CSMD2: variants seen among roughly 807,000 people sequenced by gnomAD.
The protein encoded by CSMD2 is CUB and sushi domain-containing protein 2.
In CSMD2, 130 loss-of-function variants were observed where a neutral mutation model predicts 398.5. The observed-to-expected ratio is 0.33, with a 90% CI of 0.28 to 0.38. CSMD2 has a LOEUF of 0.38. CSMD2 is among the 10% of genes least tolerant of loss of function. The pLI is 1.00. For missense variants in CSMD2, 3,829 were observed against 4,764.9 expected (o/e 0.80, Z 5.78); for synonymous variants, 1,828 against 1,908.5 (o/e 0.96, Z 1.10).
At chr1:33,621,112 T>C (rs1030899414) in intron 37 of CSMD2, among the ~76,000 whole-genome samples, 3 of 152,228 alleles carry the variant, frequency 2.0e-5, no homozygotes, top group African/African-American at 7.2e-5. Context: ...TGGCTAGCTT[T>C]AGCTCCTTTC....
intron 19 of CSMD2, among the ~76,000 whole-genome samples, chr1:33,718,147 C>G (rs1215988291): frequency 6.6e-6 from 1 of 152,160 alleles, no homozygotes; most frequent in Non-Finnish European, 1.5e-5. Flanking sequence ...GAGCTAGGAT[C>G]TGAACTAAGG....
At chr1:33,707,731 A>G (rs1488766824) in intron 22 of CSMD2, among the ~76,000 whole-genome samples, 2 of 148,440 alleles carry the variant, frequency 1.3e-5, no homozygotes, top group African/African-American at 5.2e-5. Context: ...ACACACACAC[A>G]CACACACACA....
intron 25 of CSMD2, among the ~76,000 whole-genome samples, chr1:33,678,022 T>C (rs1411809438): frequency 2.0e-5 from 3 of 149,896 alleles, no homozygotes; most frequent in African/African-American, 7.4e-5. Context: ...GATGAGTTAA[T>C]GCGTGCAGCA....
At chr1:33,621,381 C>T (rs1030556150) in intron 37 of CSMD2, among the ~76,000 whole-genome samples, 1 of 152,202 alleles carries the variant, frequency 6.6e-6, no homozygotes, top group East Asian at 1.9e-4. Context: ...CTAGAGCCAT[C>T]CATGAGAGCA....
chr1:34,138,102 T>G (rs1164308634), intron 1 of CSMD2, among the ~76,000 whole-genome samples: 2 of 152,244 alleles, frequency 1.3e-5, no homozygotes, highest in Admixed American at 6.5e-5. Flanking sequence ...TAGTATTTAC[T>G]AAGTGGTAAG....
rs1571019565 is a variant in CSMD2 at position 33,633,403 on chromosome 1, C to G, written c.5200+19G>C. 1.3e-5 allele frequency: 20 copies of G among 1,537,306 alleles called. No individual in the cohort carries two copies. Among genetic ancestry groups the G allele is most frequent in the South Asian group, 2.4e-5 (2 of 83,734 alleles). On this transcript the variant is annotated intron_variant, in intron 32 of 70. Coordinates refer to ENST00000373381, the MANE Select transcript of CSMD2 (RefSeq NM_001281956.2). This position sits in a 1 kb window ranked among gnomAD's most constrained non-coding sequence, Gnocchi z 5.0. ...CCCCCGGCCCACAACCATCCCCACA[C>G]TGGCCGAGCCCCGGATACCTGTATG...
At position 33,957,958 on chromosome 1, in the gene CSMD2, C is replaced by A. The variant is rs996563255; in HGVS notation, c.518-22004G>T. On this transcript the variant is annotated intron_variant, in intron 3 of 70. Transcript: ENST00000373381. ...GTGTGTGTGTGTGTGTGTGTGTGTGCACGCACGCATGTGTGTGTGTTGGTG... is the reference window on the plus strand; with the variant it reads ...GTGTGTGTGTGTGTGTGTGTGTGTGAACGCACGCATGTGTGTGTGTTGGTG... Among the ~76,000 whole-genome samples, 6 of 150,770 alleles carry A rather than the reference C, an allele frequency of 4.0e-5. No individual in the cohort carries two copies. In the East Asian group the frequency reaches 1.2e-3, roughly 29 times the overall value.
intron 46 of CSMD2, 25 bp downstream of exon 46, chr1:33,586,479 T>G (rs770757686): frequency 6.7e-7 from 1 of 1,494,030 alleles, no homozygotes; most frequent in Non-Finnish European, 9.3e-7. Flanking sequence ...CTAGGCCCCA[T>G]ACAGATGCGG....
Position 33,700,373 on chromosome 1 carries a change from G to A in CSMD2, c.3733+144C>T, listed in dbSNP as rs1645571010. 5.1e-6 allele frequency: 4 copies of A among 778,778 alleles called. No individual in the cohort carries two copies. The South Asian group carries it at 7.2e-5, about 14-fold the overall frequency. 48.2% of individuals were successfully genotyped at this position (778,778 alleles called of 1,614,324 possible). The stretch of plus-strand genomic sequence containing the variant: ...AACATATCACATTTTGTTTACCCAT[G>A]CATCCACTGATGGATACATATTGGA... On this transcript the variant is annotated intron_variant, in intron 23 of 70. Coordinates refer to ENST00000373381, the MANE Select transcript of CSMD2 (RefSeq NM_001281956.2).
At chr1:34,076,924 AAAAAATATAT>A (rs1167336943) in intron 2 of CSMD2, among the ~76,000 whole-genome samples, 2 of 105,116 alleles carry the variant, frequency 1.9e-5, no homozygotes, top group Admixed American at 9.4e-5. Context: ...AAAAAAAAAA[AAAAAATATAT>A]ATATATATAT....
chr1:33,818,119 C>T (rs72663917), intron 9 of CSMD2, among the ~76,000 whole-genome samples: 2,258 of 152,302 alleles, frequency 0.015, 23 homozygotes, highest in Non-Finnish European at 0.021. Flanking sequence ...GGGACCAGAT[C>T]CCACCACTGC....
chr1:33,590,280 C>T (rs1639341457), intron 44 of CSMD2, among the ~76,000 whole-genome samples: 1 of 148,504 alleles, frequency 6.7e-6, no homozygotes, highest in East Asian at 2.0e-4. Flanking sequence ...TGCCACCACA[C>T]CTGGCTAATT....
chr1:33,634,058 G>A (rs1192224760), intron 31 of CSMD2, among the ~76,000 whole-genome samples: 1 of 152,208 alleles, frequency 6.6e-6, no homozygotes, highest in African/African-American at 2.4e-5. Flanking sequence ...CAAGGATTCT[G>A]CTCTGGGTAG....
At chr1:33,826,057 A>T (rs1466986036) in intron 6 of CSMD2, among the ~76,000 whole-genome samples, 1 of 152,316 alleles carries the variant, frequency 6.6e-6, no homozygotes, top group East Asian at 1.9e-4. Context: ...GGCCTCTCAC[A>T]GATGTCTGAG....
chr1:33,684,592 C>T (rs372547996), intron 25 of CSMD2, among the ~76,000 whole-genome samples: 1 of 152,228 alleles, frequency 6.6e-6, no homozygotes, highest in African/African-American at 2.4e-5. Context: ...CCTGGCTTCC[C>T]AGCCAATTTA....
intron 1 of CSMD2, among the ~76,000 whole-genome samples, chr1:34,106,348 T>C (rs935520962): frequency 1.3e-5 from 2 of 152,202 alleles, no homozygotes; most frequent in African/African-American, 2.4e-5. Flanking sequence ...ACATTATCTC[T>C]CTAACATTTG....
chr1:33,921,208 A>C (rs1288799588), intron 4 of CSMD2, among the ~76,000 whole-genome samples: 1 of 152,122 alleles, frequency 6.6e-6, no homozygotes, highest in Non-Finnish European at 1.5e-5. Flanking sequence ...AAGGGAGGGA[A>C]GGTAGGCAAG....
At chr1:33,792,643 C>A (rs1654464958) in intron 10 of CSMD2, 117 bp from the exon 11 acceptor site, 1 of 695,098 alleles carries the variant, frequency 1.4e-6, no homozygotes, top group Admixed American at 2.1e-5. Flanking sequence ...ACTGGTGACA[C>A]CATCCTAAAC....
At chr1:34,014,473 A>AG (rs1487593754) in intron 3 of CSMD2, among the ~76,000 whole-genome samples, 6 of 152,202 alleles carry the variant, frequency 3.9e-5, no homozygotes, top group Non-Finnish European at 8.8e-5. Context: ...CAGATATGCC[A>AG]GGGGAACTCT....
Sources: allele counts gnomAD v4.1 joint callset (sites outside exome capture counted in the v4.1 genomes callset), GRCh38; gene constraint gnomAD v4.1.1; non-coding constraint Gnocchi (gnomAD v3.1); transcripts MANE v1.5; gene names NCBI Gene and HGNC (gene_info 2026-07-23, HGNC 2026-07-21).